Variants in IKZF1 observed in about 807,000 individuals in gnomAD.
IKZF1 encodes the protein IKAROS family zinc finger 1.
In IKZF1, 10 loss-of-function variants were observed where a neutral mutation model predicts 51.7. That is an observed-to-expected ratio of 0.19 (90% CI 0.12 to 0.33). IKZF1 has a LOEUF of 0.33. IKZF1 is among the 10% of genes least tolerant of loss of function. The probability of loss-of-function intolerance (pLI) is 1.00; values close to 1 mark genes in which losing one functional copy is unlikely to be tolerated. For synonymous variants in IKZF1, 280 were observed against 282.3 expected, an observed-to-expected ratio of 0.99 and a Z score of 0.08; for missense variants, 484 against 707.5, an observed-to-expected ratio of 0.68 and a Z score of 3.58.
At chr7:50,382,451 G>GC in intron 4 of IKZF1, 89 bp from the exon 5 acceptor site, 2 of 1,462,390 alleles carry the variant, frequency 1.4e-6, no homozygotes, top group Non-Finnish European at 1.8e-6. Flanking sequence ...AAGTCACCAG[G>GC]CCCCCGTGGG....
At chr7:50,307,731 G>A (rs1289966517) in intron 1 of IKZF1, among the ~76,000 whole-genome samples, 1 of 152,146 alleles carries the variant, frequency 6.6e-6, no homozygotes. Flanking sequence ...TGCTCAAAAA[G>A]GGCACATGTA....
intron 2 of IKZF1, among the ~76,000 whole-genome samples, chr7:50,319,606 C>T (rs1792586092): frequency 6.6e-6 from 1 of 152,116 alleles, no homozygotes; most frequent in Non-Finnish European, 1.5e-5. Context: ...TAGGAAAAGC[C>T]TAAGGGTAGG....
chr7:50,323,383 A>G (rs1793951555), intron 2 of IKZF1, among the ~76,000 whole-genome samples: 1 of 152,208 alleles, frequency 6.6e-6, no homozygotes. Flanking sequence ...CCAGAGAATT[A>G]TATCCTCTTG....
At chr7:50,311,741 C>G (rs763221705) in intron 1 of IKZF1, among the ~76,000 whole-genome samples, 2 of 152,078 alleles carry the variant, frequency 1.3e-5, no homozygotes, top group Non-Finnish European at 2.9e-5. Flanking sequence ...AAAATGTCCA[C>G]CTGAAATGAT....
chr7:50,325,888 T>C (rs1794864987), intron 2 of IKZF1, among the ~76,000 whole-genome samples: 1 of 152,238 alleles, frequency 6.6e-6, no homozygotes, highest in Non-Finnish European at 1.5e-5. Flanking sequence ...TGGCCTTTTG[T>C]TTTTCCTTGG....
intron 1 of IKZF1, chr7:50,318,364 C>T (rs1160219088): frequency 3.5e-5 from 8 of 228,066 alleles, no homozygotes; most frequent in Admixed American, 1.1e-4. Flanking sequence ...CAGGAAGGCT[C>T]GGGCTGTCTC....
At chr7:50,396,766 G>A (rs1816814573) in intron 7 of IKZF1, among the ~76,000 whole-genome samples, 1 of 152,122 alleles carries the variant, frequency 6.6e-6, no homozygotes. Context: ...AGTTTGGTGA[G>A]GCAAAGTGCA....
At chr7:50,369,605 G>T (rs1017257843) in intron 3 of IKZF1, 7 of 398,342 alleles carry the variant, frequency 1.8e-5, no homozygotes, top group African/African-American at 1.2e-4. Context: ...AAACTGTTCT[G>T]GGCCAATATC....
intron 5 of IKZF1, among the ~76,000 whole-genome samples, chr7:50,386,051 T>A (rs1466190384): frequency 6.6e-6 from 1 of 152,236 alleles, no homozygotes; most frequent in Non-Finnish European, 1.5e-5. Context: ...ATACAATACT[T>A]TGAAATGTGT....
intron 5 of IKZF1, 23 bp from the exon 6 acceptor site, chr7:50,387,322 G>A (rs1475011662): frequency 1.9e-6 from 3 of 1,609,304 alleles, no homozygotes; most frequent in South Asian, 2.2e-5. Flanking sequence ...TTGGGGTCTT[G>A]AACTCAATTG....
chr7:50,332,485 A>G (rs1173898404), intron 3 of IKZF1, among the ~76,000 whole-genome samples: 3 of 152,172 alleles, frequency 2.0e-5, no homozygotes, highest in African/African-American at 7.2e-5. Context: ...GGTGGGTGGA[A>G]CAGAGGAGCA....
In IKZF1 at chr7:50,319,037, C is replaced by G. The variant is rs776444100; in HGVS notation, c.-14-11C>G. 8 of 1,600,008 alleles carry G rather than the reference C, an allele frequency of 5.0e-6. No homozygotes were observed. In the East Asian group the frequency reaches 1.8e-4, roughly 36 times the overall value. On this transcript the variant is annotated splice_polypyrimidine_tract_variant and intron_variant, in intron 1 of 7. Coordinates refer to ENST00000331340, the MANE Select transcript of IKZF1 (RefSeq NM_006060.6). ...TTGCTTTAAACTAAAATCCCTTCCT[C>G]TCTTTCTCAGATAACCTGAGGACCA...
intron 3 of IKZF1, chr7:50,368,271 G>A: frequency 1.4e-6 from 1 of 703,290 alleles, no homozygotes; most frequent in South Asian, 1.5e-5. Flanking sequence ...TGTCCTGGGA[G>A]CATGGCAGTG....
At chr7:50,322,163 G>T (rs1793542186) in intron 2 of IKZF1, among the ~76,000 whole-genome samples, 4 of 152,088 alleles carry the variant, frequency 2.6e-5, no homozygotes, top group Admixed American at 2.6e-4. Context: ...CATTTCTAAA[G>T]TTGGAAGAAA....
chr7:50,400,373 G>C lies in IKZF1; in HGVS notation c.1306G>C (p.Asp436His), dbSNP rs770657999. ...GCTCAAGGAGGAGCACCGCGCCTAC[G>C]ACCTGCTGCGCGCCGCCTCCGAGAA... Reference protein sequence around the residue: ...LSLKEEHRAYDLLRAASENSQ... With the variant: ...LSLKEEHRAYHLLRAASENSQ... Residue 436 changes from aspartate to histidine, a missense_variant, in exon 8 of 8, where the codon GAC becomes CAC. Around this residue, in one of 6 missense-constraint regions of IKZF1, gnomAD observed 72 missense variants for 67.5 expected, o/e 1.07. Coordinates refer to ENST00000331340, the MANE Select transcript of IKZF1 (RefSeq NM_006060.6). This position sits in a 1 kb window ranked among gnomAD's most constrained non-coding sequence, Gnocchi z 5.4. 1.9e-6 allele frequency: 3 copies of C among 1,612,996 alleles called. No individual in the cohort carries two copies. The highest frequency in any genetic ancestry group is 2.5e-6 in the Non-Finnish European group (3 of 1,179,748).
chr7:50,367,873 G>A (rs2153455901), intron 3 of IKZF1: 1 of 602,086 alleles, frequency 1.7e-6, no homozygotes, highest in East Asian at 2.7e-5. Flanking sequence ...AGCAATAGCA[G>A]ATGAGTAGCT....
intron 3 of IKZF1, among the ~76,000 whole-genome samples, chr7:50,357,024 T>C (rs1314484594): frequency 6.6e-6 from 1 of 151,930 alleles, no homozygotes; most frequent in Non-Finnish European, 1.5e-5. Context: ...CACCCCTGAC[T>C]GCCGACTCAC....
intron 7 of IKZF1, chr7:50,394,136 T>A: frequency 4.3e-6 from 1 of 232,668 alleles, no homozygotes; most frequent in Non-Finnish European, 8.5e-6. Context: ...AAAAAGGAGT[T>A]CCCAGGGGAC....
rs1404017182 is a variant in IKZF1 at position 50,376,678 on chromosome 7, G to C, written c.306G>C (p.Ser102=). 6.2e-7 allele frequency: 1 copy of C among 1,613,928 alleles called. No individual in the cohort carries two copies. The highest frequency in any genetic ancestry group is 8.5e-7 in the Non-Finnish European group (1 of 1,179,876). The stretch of plus-strand genomic sequence containing the variant: ...GCTCCCACAGGGACCAAGGCAGCTC[G>C]GCTTTGTCGGGAGTTGGAGGCATTC... The part of the protein sequence containing the change: ...MNGSHRDQGS[S]ALSGVGGIRL... The change falls in exon 4 of 8, where the codon TCG becomes TCC. Residue 102 remains serine (S), a synonymous_variant. Transcript: ENST00000331340. This position sits in a 1 kb window ranked among gnomAD's most constrained non-coding sequence, Gnocchi z 4.5.
Sources: gnomAD v4.1 joint callset for allele counts (sites outside exome capture counted in the v4.1 genomes callset) on GRCh38, gnomAD v4.1.1 for gene constraint, gnomAD v4.1.1 regional missense constraint, Gnocchi (gnomAD v3.1) non-coding constraint, MANE v1.5 for transcripts, NCBI Gene and HGNC (gene_info 2026-07-23, HGNC 2026-07-21) for gene names.